The following EPHB3 variants were observed in gnomAD, a reference collection of about 807,000 sequenced individuals.
The protein encoded by EPHB3 is ephrin type-B receptor 3.
In EPHB3, 33 loss-of-function variants were observed where a neutral mutation model predicts 100.2. The observed-to-expected ratio is 0.33, with a 90% CI of 0.25 to 0.44. EPHB3 has a LOEUF of 0.44. EPHB3 is among the 20% of genes least tolerant of loss of function. The probability of loss-of-function intolerance (pLI) is 1.00; values close to 1 mark genes in which losing one functional copy is unlikely to be tolerated. For missense variants in EPHB3, 1,045 were observed against 1,378.3 expected (o/e 0.76, Z 3.83); for synonymous variants, 526 against 554.7 (o/e 0.95, Z 0.73).
At chr3:184,570,858 G>T (rs1317146363) in intron 1 of EPHB3, among the ~76,000 whole-genome samples, 1 of 152,168 alleles carries the variant, frequency 6.6e-6, no homozygotes, top group Non-Finnish European at 1.5e-5. Flanking sequence ...GGGGATGGCC[G>T]CAGGGTCTCC....
chr3:184,577,810 T>C lies in EPHB3; in HGVS notation c.1632T>C (p.Ser544=). 8.7e-6 allele frequency: 14 copies of C among 1,605,598 alleles called. No individual in the cohort carries two copies. The highest frequency in any genetic ancestry group is 1.2e-5 in the Non-Finnish European group (14 of 1,174,056). ...GCCCTGCCGAGTTTGAGACCACAAG[T>C]GAGAGAGGTTAGTAGCCCCCTGCGC... The part of the protein sequence containing the change: ...YSRPAEFETT[S]ERGSGAQQLQ... The change falls in exon 7 of 16, where the codon AGT becomes AGC. Residue 544 remains serine, a synonymous_variant. Coordinates refer to ENST00000330394, the MANE Select transcript of EPHB3 (RefSeq NM_004443.4). This position sits in a 1 kb window ranked among gnomAD's most constrained non-coding sequence, Gnocchi z 4.9.
At position 184,581,597 on chromosome 3, in the gene EPHB3, A is replaced by G. The variant is rs764445140; in HGVS notation, c.2972A>G (p.Asn991Ser). ...ATCCAGGACATGCGGCTGCAGATGA[A>G]CCAGACGCTGCCTGTGCAGGTCTGA... ...SSIQDMRLQM[N>S]QTLPVQV Residue 991 changes from asparagine to serine, a missense_variant, in exon 16 of 16, where the codon AAC (asparagine) becomes AGC (serine). Asn to Ser is a conservative substitution (Grantham distance 46, BLOSUM62 1). This residue lies in a region of EPHB3 where 985 missense variants were observed against 1,331.1 expected (regional missense o/e 0.74). Coordinates refer to ENST00000330394, the MANE Select transcript of EPHB3 (RefSeq NM_004443.4). 1 of 1,612,872 alleles carries G rather than the reference A, an allele frequency of 6.2e-7. No homozygotes were observed. The highest frequency in any genetic ancestry group is 1.7e-5 in the Admixed American group (1 of 59,922).
Position 184,578,516 on chromosome 3 carries a change from G to A in EPHB3, c.1801+50G>A, listed in dbSNP as rs773640248. ...CCAAGCTCTCCCAGCCCCCTGCAGG[G>A]CTCTCAGACACCCTTCTCCCTGCCT... On this transcript the variant is annotated intron_variant, in intron 9 of 15. Coordinates refer to ENST00000330394, the MANE Select transcript of EPHB3 (RefSeq NM_004443.4). This position sits in a 1 kb window ranked among gnomAD's most constrained non-coding sequence, Gnocchi z 4.7. The A allele has an allele frequency of 6.2e-7, 1 of 1,611,208 alleles. No homozygotes were observed. Among genetic ancestry groups the A allele is most frequent in the East Asian group, 2.2e-5 (1 of 44,826 alleles).
Position 184,572,759 on chromosome 3 carries a change from C to T in EPHB3, c.439C>T (p.Pro147Ser). Residue 147 changes from proline (P) to serine (S), a missense_variant, in exon 3 of 16, where the codon CCC becomes TCC. Around this residue, in one of 2 missense-constraint regions of EPHB3, gnomAD observed 985 missense variants for 1,331.1 expected, o/e 0.74. Transcript: ENST00000330394. This position sits in a 1 kb window ranked among gnomAD's most constrained non-coding sequence, Gnocchi z 6.6. The part of the protein sequence containing the change: ...ADSDVASASS[P>S]FWMENPYVKV... Reference sequence around the variant, plus strand: ...CAGCGATGTGGCCTCAGCCTCCTCCCCCTTCTGGATGGAGAACCCCTACGT... The same window carrying T: ...CAGCGATGTGGCCTCAGCCTCCTCCTCCTTCTGGATGGAGAACCCCTACGT... 6.2e-7 allele frequency: 1 copy of T among 1,611,970 alleles called. No individual in the cohort carries two copies. Among genetic ancestry groups the T allele is most frequent in the South Asian group, 1.1e-5 (1 of 90,790 alleles).
Position 184,580,852 on chromosome 3 carries a change from C to A in EPHB3, c.2512C>A (p.Pro838Thr). ...GGAGGTCATGAGCTATGGAGAGCGA[C>A]CCTACTGGGACATGAGCAACCAGGA... ...MWEVMSYGERPYWDMSNQDVI... is the reference protein window; with the variant it reads ...MWEVMSYGERTYWDMSNQDVI... Residue 838 changes from proline (P) to threonine (T), a missense_variant, in exon 13 of 16, where the codon CCC becomes ACC. Physicochemically the swap from Pro to Thr is conservative, Grantham distance 38 (BLOSUM62 -1). Transcript: ENST00000330394. 1 of 1,614,168 alleles carries A rather than the reference C, an allele frequency of 6.2e-7. No homozygotes were observed. The highest frequency in any genetic ancestry group is 8.5e-7 in the Non-Finnish European group (1 of 1,179,982).
At chr3:184,576,246 A>T (rs1223784084) in intron 4 of EPHB3, among the ~76,000 whole-genome samples, 3 of 149,744 alleles carry the variant, frequency 2.0e-5, no homozygotes, top group African/African-American at 5.1e-5. Flanking sequence ...ACTTGCTCCT[A>T]GCCATGCTCA....
At chr3:184,574,566 G>A (rs1252390539) in intron 3 of EPHB3, among the ~76,000 whole-genome samples, 1 of 152,246 alleles carries the variant, frequency 6.6e-6, no homozygotes, top group Non-Finnish European at 1.5e-5. Flanking sequence ...ACAGCTCTGA[G>A]GGGTAGGTGA....
rs1714498268 is a variant in EPHB3 at position 184,569,875 on chromosome 3, A to C, written c.119-1443A>C. ...AGAGGCCTCCAGAGGTCCTGGGGCAACCCTGCCCCATTCCAGCTTCAGAGC... is the reference window on the plus strand; with the variant it reads ...AGAGGCCTCCAGAGGTCCTGGGGCACCCCTGCCCCATTCCAGCTTCAGAGC... On this transcript the variant is annotated intron_variant, in intron 1 of 15. Transcript: ENST00000330394. This position sits in a 1 kb window ranked among gnomAD's most constrained non-coding sequence, Gnocchi z 5.4. Among the ~76,000 whole-genome samples, 1 of 152,164 alleles carries C rather than the reference A, an allele frequency of 6.6e-6. No individual in the cohort carries two copies. Among genetic ancestry groups the C allele is most frequent in the Admixed American group, 6.5e-5 (1 of 15,284 alleles).
chr3:184,576,413 C>T (rs1312418499), intron 4 of EPHB3, among the ~76,000 whole-genome samples: 1 of 152,200 alleles, frequency 6.6e-6, no homozygotes. Flanking sequence ...TGCTCCACTT[C>T]CTCTCTGCCC....
intron 15 of EPHB3, 48 bp from the exon 16 acceptor site, chr3:184,581,466 T>G (rs749536406): frequency 6.3e-6 from 10 of 1,594,752 alleles, no homozygotes; most frequent in Non-Finnish European, 6.8e-6. Context: ...GGGCCCAGAG[T>G]TGAGGGCACG....
chr3:184,580,661 A>T, intron 12 of EPHB3, 44 bp downstream of exon 12: 1 of 1,609,300 alleles, frequency 6.2e-7, no homozygotes, highest in Admixed American at 1.7e-5. Context: ...GGGGCCTATC[A>T]GCCAGGGGCT....
At position 184,569,299 on chromosome 3, in the gene EPHB3, G is replaced by A. The variant is rs963672423; in HGVS notation, c.119-2019G>A. Among the ~76,000 whole-genome samples, 3 of 152,006 alleles carry A rather than the reference G, an allele frequency of 2.0e-5. No individual in the cohort carries two copies. The highest frequency in any genetic ancestry group is 2.4e-5 in the African/African-American group (1 of 41,396). On this transcript the variant is annotated intron_variant, in intron 1 of 15. Transcript: ENST00000330394. This position sits in a 1 kb window ranked among gnomAD's most constrained non-coding sequence, Gnocchi z 5.4. ...CTGCCGGCTGGGGACGAGGCCGCCT[G>A]GCAACCTCCCTCTGTCCCTGTCTCC...
Position 184,580,542 on chromosome 3 carries a change from C to T in EPHB3, c.2313C>T (p.Val771=). The T allele has an allele frequency of 6.2e-7, 1 of 1,614,236 alleles. No individual in the cohort carries two copies. The highest frequency in any genetic ancestry group is 8.5e-7 in the Non-Finnish European group (1 of 1,180,032). ...ACATCCTTGTCAACAGCAACCTGGT[C>T]TGCAAAGTCTCAGACTTTGGCCTCT... ...ARNILVNSNL[V]CKVSDFGLSR... is the part of the protein sequence containing the mutation. The change falls in exon 12 of 16, where the codon GTC becomes GTT. Residue 771 remains valine, a synonymous_variant. Coordinates refer to ENST00000330394, the MANE Select transcript of EPHB3 (RefSeq NM_004443.4).
At chr3:184,575,745 A>C in intron 3 of EPHB3, 85 bp from the exon 4 acceptor site, 2 of 1,476,812 alleles carry the variant, frequency 1.4e-6, no homozygotes, top group Non-Finnish European at 1.8e-6. Context: ...TAGGCTGGGG[A>C]GAAGCCAGGT....
rs751926113 is a variant in EPHB3 at position 184,572,661 on chromosome 3, G to C, written c.341G>C (p.Arg114Pro). The C allele has an allele frequency of 6.3e-7, 1 of 1,588,284 alleles. No homozygotes were observed. The highest frequency in any genetic ancestry group is 8.6e-7 in the Non-Finnish European group (1 of 1,169,016). The change falls in exon 3 of 16, where the codon CGT becomes CCT. Residue 114 changes from arginine to proline, a missense_variant. This residue lies in a region of EPHB3 where 985 missense variants were observed against 1,331.1 expected (regional missense o/e 0.74). Transcript: ENST00000330394. This position sits in a 1 kb window ranked among gnomAD's most constrained non-coding sequence, Gnocchi z 6.6. ...RVYVELKFTV[R>P]DCNSIPNIPG... ...TACGTGGAGCTCAAGTTCACTGTGC[G>C]TGACTGCAACAGCATCCCCAACATC...
At position 184,572,625 on chromosome 3, in the gene EPHB3, T is replaced by C; in HGVS notation, c.305T>C (p.Val102Ala). 6.4e-7 allele frequency: 1 copy of C among 1,557,646 alleles called. No individual in the cohort carries two copies. The highest frequency in any genetic ancestry group is 2.3e-5 in the East Asian group (1 of 44,238). ...ACGGGGTTCATCTGGCGGCGGGATG[T>C]GCAGCGGGTCTACGTGGAGCTCAAG... ...LRTGFIWRRD[V>A]QRVYVELKFT... The change falls in exon 3 of 16, where the codon GTG becomes GCG. Residue 102 changes from valine (V) to alanine (A), a missense_variant. By Grantham distance (64) the Val-to-Ala change is moderately conservative. Transcript: ENST00000330394. This position sits in a 1 kb window ranked among gnomAD's most constrained non-coding sequence, Gnocchi z 6.6.
rs1382864333 is a variant in EPHB3, at chr3:184,569,776, A to G, written c.119-1542A>G. ...TCGGCTCAGACCCAGCCTCCGGGAA[A>G]CCACTGAAGGCTGCAAGCCTGTGGC... On this transcript the variant is annotated intron_variant, in intron 1 of 15. Coordinates refer to ENST00000330394, the MANE Select transcript of EPHB3 (RefSeq NM_004443.4). This position sits in a 1 kb window ranked among gnomAD's most constrained non-coding sequence, Gnocchi z 5.4. 6.6e-6 allele frequency among the ~76,000 whole-genome samples: 1 copy of G among 152,242 alleles called. No homozygotes were observed. Among genetic ancestry groups the G allele is most frequent in the Non-Finnish European group, 1.5e-5 (1 of 68,038 alleles).
In EPHB3 at chr3:184,577,995, C is replaced by T. The variant is rs748570339; in HGVS notation, c.1737C>T (p.Ile579=). The T allele has an allele frequency of 2.8e-5, 45 of 1,613,824 alleles. No homozygotes were observed. Among genetic ancestry groups the T allele is most frequent in the Middle Eastern group, 1.6e-4 (1 of 6,080 alleles). Residue 579 remains isoleucine, a synonymous_variant, in exon 8 of 16, where the codon ATC becomes ATT. Coordinates refer to ENST00000330394, the MANE Select transcript of EPHB3 (RefSeq NM_004443.4). The surrounding 1 kb of genome is among the most constrained non-coding windows in gnomAD (Gnocchi z 4.9). ...VFVVAVVVIA[I]VCLRKQRHGS... Reference sequence around the variant, plus strand: ...TGGTGGCTGTCGTGGTCATCGCTATCGTCTGCCTCAGGTACTCCCAGGCCC... The same window carrying T: ...TGGTGGCTGTCGTGGTCATCGCTATTGTCTGCCTCAGGTACTCCCAGGCCC...
intron 4 of EPHB3, among the ~76,000 whole-genome samples, 187 bp downstream of exon 4, chr3:184,576,172 C>T (rs1223240673): frequency 6.6e-6 from 1 of 152,222 alleles, no homozygotes; most frequent in Non-Finnish European, 1.5e-5. Context: ...GAATCCAGGT[C>T]AGCCGGCTCG....
Sources: gnomAD v4.1 joint callset for allele counts (sites outside exome capture counted in the v4.1 genomes callset) on GRCh38, gnomAD v4.1.1 for gene constraint, gnomAD v4.1.1 regional missense constraint, Gnocchi (gnomAD v3.1) non-coding constraint, MANE v1.5 for transcripts, NCBI Gene and HGNC (gene_info 2026-07-23, HGNC 2026-07-21) for gene names.